The following DLGAP2 variants were observed in gnomAD, a reference collection of about 807,000 sequenced individuals.
DLGAP2 encodes the protein disks large-associated protein 2.
DLGAP2 carries 26 observed loss-of-function variants against 100.3 expected under a neutral mutation model. The ratio of observed to expected loss-of-function variants is 0.26; its 90% CI spans 0.19 to 0.36. DLGAP2 has a LOEUF of 0.36. Among genes scored for constraint, DLGAP2 ranks in the 10% least tolerant of loss-of-function variants. The pLI is 1.00. For missense variants in DLGAP2, 1,858 were observed against 1,453.2 expected, an observed-to-expected ratio of 1.28 and a Z score of -4.53; for synonymous variants, 886 against 630.1, an observed-to-expected ratio of 1.41 and a Z score of -6.08.
chr8:1,001,827 C>T (rs1800965984), intron 2 of DLGAP2, among the ~76,000 whole-genome samples: 1 of 152,146 alleles, frequency 6.6e-6, no homozygotes. Context: ...AATCTTGACA[C>T]TCAGAACAGA....
At chr8:1,329,939 C>T (rs1365480665) in intron 3 of DLGAP2, among the ~76,000 whole-genome samples, 1 of 152,238 alleles carries the variant, frequency 6.6e-6, no homozygotes, top group African/African-American at 2.4e-5. Context: ...AGTAGAACCC[C>T]AGAGCTTCCT....
intron 3 of DLGAP2, among the ~76,000 whole-genome samples, chr8:1,426,312 C>G (rs556069543): frequency 9.2e-5 from 14 of 152,070 alleles, no homozygotes; most frequent in East Asian, 3.9e-4. Flanking sequence ...TGGGAAGGAC[C>G]GACTCCAGAC....
chr8:985,872 GA>G (rs774850650), intron 2 of DLGAP2, among the ~76,000 whole-genome samples: 6 of 152,130 alleles, frequency 3.9e-5, no homozygotes, highest in Non-Finnish European at 8.8e-5. Context: ...TCGATCACCT[GA>G]CAAACCCCCT....
intron 3 of DLGAP2, among the ~76,000 whole-genome samples, chr8:1,281,300 G>A (rs141407011): frequency 6.6e-6 from 1 of 152,296 alleles, no homozygotes; most frequent in African/African-American, 2.4e-5. Flanking sequence ...GAGAAACGGG[G>A]GATGGTGGAG....
intron 4 of DLGAP2, among the ~76,000 whole-genome samples, chr8:1,504,585 C>T (rs938663639): frequency 6.6e-6 from 1 of 152,190 alleles, no homozygotes. Context: ...CACTGTTCTA[C>T]CCTCTGCTTC....
intron 3 of DLGAP2, among the ~76,000 whole-genome samples, chr8:1,449,657 A>C (rs1382368979): frequency 6.6e-6 from 1 of 152,190 alleles, no homozygotes; most frequent in Admixed American, 6.5e-5. Context: ...CCACACTTGG[A>C]AAGGTCAAGG....
At chr8:1,495,511 G>GT (rs1799519641) in intron 3 of DLGAP2, among the ~76,000 whole-genome samples, 2 of 152,370 alleles carry the variant, frequency 1.3e-5, no homozygotes, top group South Asian at 4.1e-4. Flanking sequence ...GGGTCAGAAT[G>GT]TGGTGGGTGA....
chr8:1,336,125 C>T (rs1801267598), intron 3 of DLGAP2, among the ~76,000 whole-genome samples: 1 of 152,254 alleles, frequency 6.6e-6, no homozygotes, highest in Admixed American at 6.5e-5. Context: ...CCTGTTCCTC[C>T]CCACATTGGT....
At chr8:1,365,875 C>CCCCAGAA (rs1802097262) in intron 3 of DLGAP2, among the ~76,000 whole-genome samples, 1 of 152,234 alleles carries the variant, frequency 6.6e-6, no homozygotes, top group Admixed American at 6.5e-5. Context: ...CTCTCTAACT[C>CCCCAGAA]CCCAGAATAA....
chr8:923,870 G>A lies in DLGAP2; in HGVS notation c.73+15904G>A, dbSNP rs972698704. On this transcript the variant is annotated intron_variant, in intron 2 of 14. Transcript: ENST00000637795. Reference sequence around the variant, plus strand: ...TAAAGTTTATGAGATGCACACTCAAGTAATTTAGCTGCTGTGTGGCAGGCA... The same window carrying A: ...TAAAGTTTATGAGATGCACACTCAAATAATTTAGCTGCTGTGTGGCAGGCA... Among the ~76,000 whole-genome samples, 4 of 152,352 alleles carry A rather than the reference G, an allele frequency of 2.6e-5. No homozygotes were observed. In the South Asian group the frequency reaches 6.2e-4, roughly 24 times the overall value.
At chr8:1,317,537 G>A (rs1800787239) in intron 3 of DLGAP2, among the ~76,000 whole-genome samples, 1 of 138,062 alleles carries the variant, frequency 7.2e-6, no homozygotes, top group Non-Finnish European at 1.5e-5. Context: ...CTGTGCGAGT[G>A]CAGCGTGTCT....
chr8:1,658,017 A>C (rs759575430), intron 8 of DLGAP2, among the ~76,000 whole-genome samples: 4 of 152,168 alleles, frequency 2.6e-5, no homozygotes, highest in Non-Finnish European at 5.9e-5. Flanking sequence ...AGCAGAATGC[A>C]ATCGGTTCTG....
intron 2 of DLGAP2, among the ~76,000 whole-genome samples, chr8:1,039,643 CGTGGTCAGCTCGGTGTGG>C (rs71202685): frequency 0.074 from 3,413 of 46,384 alleles, 854 homozygotes; most frequent in Non-Finnish European, 0.1. Flanking sequence ...GCTCGGTGTG[CGTGGTCAGCTCGGTGTGG>C]GTGGTCAGCT....
rs188159805 is a variant in DLGAP2 at position 1,358,730 on chromosome 8, C to T, written c.106+99847C>T. Among the ~76,000 whole-genome samples, 105 of 151,340 alleles carry T rather than the reference C, an allele frequency of 6.9e-4. 1 individual carries two copies. The highest frequency in any genetic ancestry group is 4.9e-3 in the East Asian group (25 of 5,092). On this transcript the variant is annotated intron_variant, in intron 3 of 14. Transcript: ENST00000637795. Reference sequence around the variant, plus strand: ...CACTGTGTAATCTGGAACCATGCTGCGCAGACAGGGGCAACCCTGGCCTAT... The same window carrying T: ...CACTGTGTAATCTGGAACCATGCTGTGCAGACAGGGGCAACCCTGGCCTAT...
intron 6 of DLGAP2, among the ~76,000 whole-genome samples, chr8:1,587,095 T>C (rs73671237): frequency 0.063 from 9,587 of 152,260 alleles, 374 homozygotes; most frequent in African/African-American, 0.093. Context: ...CCTAAAAACA[T>C]TACAGGATGC....
intron 3 of DLGAP2, among the ~76,000 whole-genome samples, chr8:1,324,888 G>C (rs1262211674): frequency 1.3e-5 from 2 of 152,162 alleles, no homozygotes; most frequent in Non-Finnish European, 2.9e-5. Flanking sequence ...AAGAATAAAG[G>C]AAGACTCCAC....
At chr8:1,180,783 T>G (rs1412916333) in intron 2 of DLGAP2, among the ~76,000 whole-genome samples, 3 of 145,992 alleles carry the variant, frequency 2.1e-5, no homozygotes, top group African/African-American at 5.1e-5. Context: ...GTCGAGTGTG[T>G]GTGGGTGTGC....
At chr8:1,595,983 T>C (rs923351334) in intron 6 of DLGAP2, among the ~76,000 whole-genome samples, 26 of 152,180 alleles carry the variant, frequency 1.7e-4, no homozygotes, top group African/African-American at 6.3e-4. Context: ...TAACTCGTCA[T>C]TTAGCATTAG....
chr8:1,636,277 A>G (rs1797763594), intron 8 of DLGAP2, among the ~76,000 whole-genome samples: 1 of 152,238 alleles, frequency 6.6e-6, no homozygotes, highest in African/African-American at 2.4e-5. Context: ...AATTTTCTCA[A>G]CATATGATAC....
Sources: allele counts gnomAD v4.1 joint callset (sites outside exome capture counted in the v4.1 genomes callset), GRCh38; gene constraint gnomAD v4.1.1; transcripts MANE v1.5; gene names NCBI Gene and HGNC (gene_info 2026-07-23, HGNC 2026-07-21).